The following ZNF79 variants were observed in gnomAD, a reference collection of about 807,000 sequenced individuals.
ZNF79 encodes the protein zinc finger protein 79, also known as ZNFpT7.
In ZNF79, 13 loss-of-function variants were observed where a neutral mutation model predicts 14.9. That is an observed-to-expected ratio of 0.87 (90% CI 0.57 to 1.38). The LOEUF is 1.38. ZNF79 is among the 40% of genes most tolerant of loss of function. The pLI is 0.00. For missense variants in ZNF79, 631 were observed against 630.6 expected (o/e 1.00, Z -0.01); for synonymous variants, 223 against 235.1 (o/e 0.95, Z 0.47).
intron 2 of ZNF79, among the ~76,000 whole-genome samples, chr9:127,430,380 T>C (rs1237082977): frequency 2.6e-5 from 4 of 152,136 alleles, no homozygotes; most frequent in Non-Finnish European, 5.9e-5. Flanking sequence ...GTAGGGAGCA[T>C]AGTACCCCAT....
intron 4 of ZNF79, among the ~76,000 whole-genome samples, chr9:127,443,310 G>A (rs1361363413): frequency 6.6e-6 from 1 of 152,076 alleles, no homozygotes; most frequent in Non-Finnish European, 1.5e-5. Flanking sequence ...AGCTATTCAG[G>A]AGGCTGAGGT....
At chr9:127,439,934 T>C (rs907474116) in intron 4 of ZNF79, among the ~76,000 whole-genome samples, 5 of 152,064 alleles carry the variant, frequency 3.3e-5, no homozygotes, top group Non-Finnish European at 4.4e-5. Flanking sequence ...GCGATCTCAG[T>C]TCACTGCAAG....
intron 4 of ZNF79, among the ~76,000 whole-genome samples, chr9:127,442,442 A>T (rs1834066776): frequency 6.6e-6 from 1 of 151,996 alleles, no homozygotes; most frequent in Non-Finnish European, 1.5e-5. Flanking sequence ...GTAAAAATAC[A>T]GTATAAAAGA....
At chr9:127,428,562 T>G in intron 1 of ZNF79, 1 of 752,128 alleles carries the variant, frequency 1.3e-6, no homozygotes. Context: ...ATGAGAAAAA[T>G]GAGACTTAGA....
intron 2 of ZNF79, among the ~76,000 whole-genome samples, chr9:127,432,802 T>C (rs924778408): frequency 4.6e-5 from 7 of 152,224 alleles, no homozygotes; most frequent in African/African-American, 1.2e-4. Flanking sequence ...AACCCTAATA[T>C]TCTAAATTTC....
chr9:127,432,674 T>C (rs1833882509), intron 2 of ZNF79, among the ~76,000 whole-genome samples: 1 of 152,156 alleles, frequency 6.6e-6, no homozygotes, highest in Non-Finnish European at 1.5e-5. Context: ...GTATAGGGTT[T>C]GATAGCTCTG....
chr9:127,437,545 A>G (rs978573952), intron 4 of ZNF79, among the ~76,000 whole-genome samples: 1 of 151,754 alleles, frequency 6.6e-6, no homozygotes, highest in Non-Finnish European at 1.5e-5. Flanking sequence ...CTCATAAGAA[A>G]TAACCACAAA....
chr9:127,424,472 AT>A lies in ZNF79; in HGVS notation c.-314del, dbSNP rs1437484305. On this transcript the variant is annotated 5_prime_UTR_variant, in exon 1 of 5. It adds an upstream start codon to the 5' untranslated region. Coordinates refer to ENST00000342483, the MANE Select transcript of ZNF79 (RefSeq NM_007135.3). ...CTTGAGCTCTCGCGGTTGCCGGTAG[AT>A]TGTTGCCAGTTGCCAGTTGCCAGTC... 1 of 364,414 alleles carries A rather than the reference AT, an allele frequency of 2.7e-6. No individual in the cohort carries two copies. The highest frequency in any genetic ancestry group is 4.9e-5 in the East Asian group (1 of 20,524). 22.6% of individuals were successfully genotyped at this position (364,414 alleles called of 1,614,324 possible).
chr9:127,428,882 G>C lies in ZNF79; in HGVS notation c.67G>C (p.Glu23Gln), dbSNP rs1312937988. Reference protein sequence around the residue: ...ALPQEENTGEEGMAAGLLTAG... With the variant: ...ALPQEENTGEQGMAAGLLTAG... ...TCCCCAAGAGGAAAACACAGGAGAG[G>C]AAGGAATGGCTGCTGGTCTCCTCAC... The change falls in exon 2 of 5, where the codon GAA (glutamate) becomes CAA (glutamine). Residue 23 changes from glutamate to glutamine, a missense_variant. Transcript: ENST00000342483. The C allele has an allele frequency of 1.2e-6, 2 of 1,605,298 alleles. No individual in the cohort carries two copies. The highest frequency in any genetic ancestry group is 1.7e-6 in the Non-Finnish European group (2 of 1,175,368).
chr9:127,430,765 G>T (rs190783826), intron 2 of ZNF79, among the ~76,000 whole-genome samples: 2 of 152,330 alleles, frequency 1.3e-5, no homozygotes, highest in East Asian at 1.9e-4. Context: ...TTGGTAGAAT[G>T]ATTTCTTTTC....
intron 4 of ZNF79, among the ~76,000 whole-genome samples, chr9:127,442,889 C>T (rs1834074765): frequency 6.6e-6 from 1 of 151,920 alleles, no homozygotes; most frequent in Admixed American, 6.6e-5. Context: ...GTGTGTGGCA[C>T]TATTTTTTAC....
At position 127,444,569 on chromosome 9, in the gene ZNF79, C is replaced by T. The variant is rs902832272; in HGVS notation, c.869C>T (p.Ser290Leu). Residue 290 changes from serine (S) to leucine (L), a missense_variant, in exon 5 of 5, where the codon TCA becomes TTA. Physicochemically the swap from Ser to Leu is moderately radical, Grantham distance 145. Transcript: ENST00000342483. ...TGTGAGAAAGCCTTCAGTGACTGCT[C>T]AGCTCTTGTTCAGCATCAGAGAATT... ...SECEKAFSDC[S>L]ALVQHQRIHT... The T allele has an allele frequency of 1.2e-6, 2 of 1,614,024 alleles. No homozygotes were observed. Among genetic ancestry groups the T allele is most frequent in the Non-Finnish European group, 1.7e-6 (2 of 1,180,020 alleles).
rs1408395120 is a variant in ZNF79, at chr9:127,424,702, C to T, written c.-86C>T. On this transcript the variant is annotated 5_prime_UTR_variant, in exon 1 of 5. Transcript: ENST00000342483. ...TCCGGCCTGGGAGCCGTCAGAGCAG[C>T]CCTGCAGAACGGGGTGGGGGCTGCT... 6.3e-7 allele frequency: 1 copy of T among 1,599,932 alleles called. No individual in the cohort carries two copies. The highest frequency in any genetic ancestry group is 8.5e-7 in the Non-Finnish European group (1 of 1,171,044).
Position 127,445,356 on chromosome 9 carries a change from C to T in ZNF79, c.*159C>T, listed in dbSNP as rs1834153110. ...GCAAAACACCTTCAATAAACAGCCA[C>T]TATTTCACATGCTGTATATGGACGC... On this transcript the variant is annotated 3_prime_UTR_variant, in exon 5 of 5. Transcript: ENST00000342483. 1 of 677,684 alleles carries T rather than the reference C, an allele frequency of 1.5e-6. No individual in the cohort carries two copies. Among genetic ancestry groups the T allele is most frequent in the Non-Finnish European group, 2.5e-6 (1 of 405,774 alleles). 42.0% of individuals were successfully genotyped at this position (677,684 alleles called of 1,614,324 possible). A position where few individuals can be genotyped will look rare whatever the true frequency, so the allele number is the denominator to read the frequency against.
chr9:127,442,047 G>GTT (rs773234513), intron 4 of ZNF79, among the ~76,000 whole-genome samples: 5 of 152,156 alleles, frequency 3.3e-5, no homozygotes, highest in Admixed American at 1.3e-4. Flanking sequence ...AACCCAGGAG[G>GTT]TGGAGGTTGC....
intron 4 of ZNF79, 109 bp downstream of exon 4, chr9:127,436,112 C>T (rs1833944199): frequency 2.3e-6 from 2 of 864,894 alleles, no homozygotes; most frequent in Admixed American, 2.1e-5. Flanking sequence ...GCGCTATTAC[C>T]CCCATTCTAC....
chr9:127,442,099 A>G (rs1310235661), intron 4 of ZNF79, among the ~76,000 whole-genome samples: 1 of 151,990 alleles, frequency 6.6e-6, no homozygotes, highest in Admixed American at 6.6e-5. Context: ...CCTGGGCAGC[A>G]AGAGCGAAGC....
chr9:127,445,159 G>A lies in ZNF79; in HGVS notation c.1459G>A (p.Ala487Thr), dbSNP rs752188799. 1.2e-6 allele frequency: 2 copies of A among 1,614,212 alleles called. No individual in the cohort carries two copies. The highest frequency in any genetic ancestry group is 1.7e-6 in the Non-Finnish European group (2 of 1,180,040). The change falls in exon 5 of 5, where the codon GCC becomes ACC. Residue 487 changes from alanine to threonine, a missense_variant. Coordinates refer to ENST00000342483, the MANE Select transcript of ZNF79 (RefSeq NM_007135.3). Reference protein sequence around the residue: ...ECGKAFRCSSAFVRHQRLHAG... With the variant: ...ECGKAFRCSSTFVRHQRLHAG... ...TGGGAAGGCCTTCCGGTGCAGCTCT[G>A]CCTTCGTTAGACATCAGAGACTCCA...
At chr9:127,435,875 A>G (rs751456508) in intron 3 of ZNF79, 33 bp from the exon 4 acceptor site, 1 of 1,595,686 alleles carries the variant, frequency 6.3e-7, no homozygotes, top group East Asian at 2.2e-5. Context: ...ACTTACTTAC[A>G]ATTTCTAAAG....
Sources: gnomAD v4.1 joint callset for allele counts (sites outside exome capture counted in the v4.1 genomes callset) on GRCh38, gnomAD v4.1.1 for gene constraint, MANE v1.5 for transcripts, NCBI Gene and HGNC (gene_info 2026-07-23, HGNC 2026-07-21) for gene names.